ZNF384: variants seen among roughly 807,000 people sequenced by gnomAD.
The protein encoded by ZNF384 is zinc finger protein 384.
A neutral mutation model predicts 65.0 loss-of-function variants in ZNF384; 20 were observed. The observed-to-expected ratio is 0.31, with a 90% confidence interval of 0.22 to 0.45. ZNF384 has a LOEUF of 0.45. Ranked by LOEUF, ZNF384 falls within the 20% of genes least tolerant of loss-of-function variation. ZNF384 has a pLI of 1.00. For synonymous variants in ZNF384, 310 were observed against 303.9 expected (o/e 1.02, Z -0.21); for missense variants, 549 against 769.4 (o/e 0.71, Z 3.39).
At chr12:6,680,374 C>T (rs1359029128) in intron 2 of ZNF384, among the ~76,000 whole-genome samples, 1 of 152,178 alleles carries the variant, frequency 6.6e-6, no homozygotes, top group Non-Finnish European at 1.5e-5. Flanking sequence ...GAAGACTGGG[C>T]ATGGTGGCTC....
Position 6,672,298 on chromosome 12 carries a change from T to C in ZNF384, c.1187+52A>G. 6.6e-7 allele frequency: 1 copy of C among 1,515,506 alleles called. No homozygotes were observed. Among genetic ancestry groups the C allele is most frequent in the Non-Finnish European group, 8.9e-7 (1 of 1,124,920 alleles). 93.9% of individuals were successfully genotyped at this position (1,515,506 alleles called of 1,614,324 possible). On this transcript the variant is annotated intron_variant, in intron 9 of 11. Transcript: ENST00000683879. This position sits in a 1 kb window ranked among gnomAD's most constrained non-coding sequence, Gnocchi z 4.4. ...TTGTTGTGTGTGTCCGGGGCGGGGGTGGGGAGGGCATGCCAGCGGGGCGGG... is the reference window on the plus strand; with the variant it reads ...TTGTTGTGTGTGTCCGGGGCGGGGGCGGGGAGGGCATGCCAGCGGGGCGGG...
At chr12:6,670,664 T>C (rs1403952381) in intron 10 of ZNF384, 96 bp downstream of exon 10, 1 of 1,142,958 alleles carries the variant, frequency 8.7e-7, no homozygotes, top group Non-Finnish European at 1.3e-6. Context: ...AATGTTTGAG[T>C]GTAAAGGAGT....
chr12:6,679,599 T>A, intron 2 of ZNF384, 74 bp from the exon 3 acceptor site: 9 of 1,202,486 alleles, frequency 7.5e-6, no homozygotes, highest in Non-Finnish European at 1.1e-5. Flanking sequence ...GAAGGGGAAC[T>A]GAAGAGTTCC....
In ZNF384 at chr12:6,673,402, T is replaced by C. The variant is rs765632803; in HGVS notation, c.818A>G (p.Glu273Gly). ...MCSLTFYSKSEMQIHSKSHTE... is the reference protein window; with the variant it reads ...MCSLTFYSKSGMQIHSKSHTE... ...GTGTGACTTGGAGTGGATCTGCATC[T>C]CCGACTTGGAGTAGAATGTCAGTGA... The change falls in exon 8 of 12, where the codon GAG (glutamate) becomes GGG (glycine). Residue 273 changes from glutamate to glycine, a missense_variant. By Grantham distance (98) the Glu-to-Gly change is moderately conservative. This residue lies in a region of ZNF384 where 39 missense variants were observed against 85.8 expected (regional missense o/e 0.45). Coordinates refer to ENST00000683879, the MANE Select transcript of ZNF384 (RefSeq NM_001385745.1). The surrounding 1 kb of genome is among the most constrained non-coding windows in gnomAD (Gnocchi z 4.7). 15 of 1,613,834 alleles carry C rather than the reference T, an allele frequency of 9.3e-6. No individual in the cohort carries two copies. Among genetic ancestry groups the C allele is most frequent in the Non-Finnish European group, 3.4e-6 (4 of 1,180,006 alleles).
intron 2 of ZNF384, among the ~76,000 whole-genome samples, chr12:6,685,608 A>G (rs748535565): frequency 8.6e-5 from 13 of 151,948 alleles, no homozygotes; most frequent in Non-Finnish European, 1.9e-4. Context: ...TCCCATCTCT[A>G]CTAAAATACA....
intron 7 of ZNF384, among the ~76,000 whole-genome samples, chr12:6,675,065 A>G (rs1027416024): frequency 2.0e-5 from 3 of 152,264 alleles, no homozygotes; most frequent in Non-Finnish European, 4.4e-5. Flanking sequence ...TCAATACACA[A>G]TTCTGCCCTT....
chr12:6,670,889 G>A, intron 9 of ZNF384, 51 bp from the exon 10 acceptor site: 1 of 1,555,902 alleles, frequency 6.4e-7, no homozygotes, highest in Non-Finnish European at 8.9e-7. Context: ...GACCATTTAG[G>A]AACTGGCTCA....
chr12:6,670,523 C>T (rs773660572), intron 10 of ZNF384, among the ~76,000 whole-genome samples: 3 of 152,208 alleles, frequency 2.0e-5, no homozygotes, highest in Non-Finnish European at 2.9e-5. Flanking sequence ...TTTATGTTAA[C>T]ACACAATGGG....
chr12:6,675,878 T>C (rs1324785150), intron 7 of ZNF384, among the ~76,000 whole-genome samples: 1 of 151,456 alleles, frequency 6.6e-6, no homozygotes, highest in African/African-American at 2.4e-5. Context: ...GAACAAAGAG[T>C]GGGAGATACG....
intron 7 of ZNF384, among the ~76,000 whole-genome samples, chr12:6,675,642 G>A (rs1228222259): frequency 6.6e-6 from 1 of 152,188 alleles, no homozygotes; most frequent in African/African-American, 2.4e-5. Context: ...ATATCATGGG[G>A]TGCCTTCCTC....
chr12:6,678,229 T>C lies in ZNF384; in HGVS notation c.584A>G (p.Lys195Arg). Residue 195 changes from lysine (K) to arginine (R), a missense_variant, in exon 6 of 12, where the codon AAG becomes AGG. This residue lies in a region of ZNF384 where 277 missense variants were observed against 337.2 expected (regional missense o/e 0.82). Coordinates refer to ENST00000683879, the MANE Select transcript of ZNF384 (RefSeq NM_001385745.1). The surrounding 1 kb of genome is among the most constrained non-coding windows in gnomAD (Gnocchi z 4.9). Reference sequence around the variant, plus strand: ...CCCTGATTCCAGCATCCGCTTCTTCTTCCGGCCCCGGGGTGGCTTAGGAGC... The same window carrying C: ...CCCTGATTCCAGCATCCGCTTCTTCCTCCGGCCCCGGGGTGGCTTAGGAGC... ...SVAPKPPRGRKKKRMLESGLP... is the reference protein window; with the variant it reads ...SVAPKPPRGRRKKRMLESGLP... 6.2e-7 allele frequency: 1 copy of C among 1,614,190 alleles called. No homozygotes were observed. Among genetic ancestry groups the C allele is most frequent in the South Asian group, 1.1e-5 (1 of 91,074 alleles).
In ZNF384 at chr12:6,667,903, TTGCTGCTGC is replaced by T. The variant is rs3835029; in HGVS notation, c.1629_1637del (p.Gln545_Gln547del). ...GAGACTGGAAGTGTGGTGGTGGCTG[TTGCTGCTGC>T]TGCTGCTGCTGCTGCTGCTGCTGCT... On this transcript the variant is annotated inframe_deletion, in exon 12 of 12. Transcript: ENST00000683879. 1,022 of 1,546,962 alleles carry T rather than the reference TTGCTGCTGC, an allele frequency of 6.6e-4. 1 individual carries two copies. Among genetic ancestry groups the T allele is most frequent in the African/African-American group, 2.1e-3 (153 of 72,468 alleles).
intron 2 of ZNF384, among the ~76,000 whole-genome samples, chr12:6,686,034 G>T (rs993554730): frequency 6.6e-6 from 1 of 152,178 alleles, no homozygotes; most frequent in Non-Finnish European, 1.5e-5. Context: ...CAGGGATAAA[G>T]ATGACATGGC....
Position 6,667,964 on chromosome 12 carries a change from T to G in ZNF384, c.1577A>C (p.Gln526Pro). Residue 526 changes from glutamine (Q) to proline (P), a missense_variant, in exon 12 of 12, where the codon CAG (glutamine) becomes CCG (proline). By Grantham distance (76) the Gln-to-Pro change is moderately conservative (BLOSUM62 -1). This residue lies in a region of ZNF384 where 136 missense variants were observed against 183.0 expected (regional missense o/e 0.74). Transcript: ENST00000683879. ...QAQAQAQAQAQASQASQQQQQ... is the reference protein window; with the variant it reads ...QAQAQAQAQAPASQASQQQQQ... ...CTGCTGCTGTGATGCCTGGGAGGCC[T>G]GGGCCTGGGCCTGGGCTTGAGCCTG... 6.2e-7 allele frequency: 1 copy of G among 1,611,522 alleles called. No homozygotes were observed. Among genetic ancestry groups the G allele is most frequent in the Non-Finnish European group, 8.5e-7 (1 of 1,178,516 alleles).
At chr12:6,686,404 C>T (rs1037862909) in intron 2 of ZNF384, among the ~76,000 whole-genome samples, 3 of 152,176 alleles carry the variant, frequency 2.0e-5, no homozygotes, top group South Asian at 2.1e-4. Flanking sequence ...CAGGCGCTTG[C>T]CAACACATCT....
At chr12:6,671,884 C>T (rs1284184263) in intron 9 of ZNF384, 1 of 157,058 alleles carries the variant, frequency 6.4e-6, no homozygotes, top group Non-Finnish European at 1.4e-5. Context: ...TCCCTCAGAG[C>T]CTTGCTTGTT....
At chr12:6,674,617 T>C (rs1010482942) in intron 7 of ZNF384, among the ~76,000 whole-genome samples, 5 of 152,194 alleles carry the variant, frequency 3.3e-5, no homozygotes, top group Non-Finnish European at 7.3e-5. Flanking sequence ...TGCCCAATCA[T>C]TGCAGGAGAG....
At position 6,678,771 on chromosome 12, in the gene ZNF384, C is replaced by T. The variant is rs1954745746; in HGVS notation, c.305-61G>A. 3.8e-6 allele frequency: 6 copies of T among 1,580,270 alleles called. No individual in the cohort carries two copies. The Admixed American group carries it at 8.4e-5, about 22-fold the overall frequency. ...AAGGCAGGGACCGCATCTTCTACTTCTTTGTATCCCCCACAATGCCTAGCA... is the reference window on the plus strand; with the variant it reads ...AAGGCAGGGACCGCATCTTCTACTTTTTTGTATCCCCCACAATGCCTAGCA... On this transcript the variant is annotated intron_variant, in intron 4 of 11. Transcript: ENST00000683879. The surrounding 1 kb of genome is among the most constrained non-coding windows in gnomAD (Gnocchi z 4.9).
At chr12:6,679,587 G>A in intron 2 of ZNF384, 62 bp from the exon 3 acceptor site, 4 of 1,376,846 alleles carry the variant, frequency 2.9e-6, no homozygotes, top group Non-Finnish European at 4.1e-6. Context: ...CTAAGCAATG[G>A]AGAAGGGGAA....
Sources: gnomAD v4.1 joint callset for allele counts (sites outside exome capture counted in the v4.1 genomes callset) on GRCh38, gnomAD v4.1.1 for gene constraint, gnomAD v4.1.1 regional missense constraint, Gnocchi (gnomAD v3.1) non-coding constraint, MANE v1.5 for transcripts, NCBI Gene and HGNC (gene_info 2026-07-23, HGNC 2026-07-21) for gene names.